The following FMO5 variants were observed in gnomAD, a reference collection of about 807,000 sequenced individuals.
FMO5 encodes flavin-containing monooxygenase 5.
In FMO5, 51 loss-of-function variants were observed where a neutral mutation model predicts 43.6. The ratio of observed to expected loss-of-function variants is 1.17; its 90% CI spans 0.93 to 1.48. The LOEUF (loss-of-function observed/expected upper bound fraction) is 1.48, where lower values mean the gene tolerates loss of function less well. FMO5 is among the 40% of genes most tolerant of loss of function. FMO5 has a pLI of 0.00. For synonymous variants in FMO5, 187 were observed against 216.5 expected, an observed-to-expected ratio of 0.86 and a Z score of 1.20; for missense variants, 644 against 643.0, an observed-to-expected ratio of 1.00 and a Z score of -0.02.
intron 7 of FMO5, among the ~76,000 whole-genome samples, chr1:147,194,708 C>G (rs868979118): frequency 9.9e-5 from 15 of 151,984 alleles, no homozygotes; most frequent in African/African-American, 2.4e-4. Flanking sequence ...GCCTGGTGGT[C>G]ACAAAATCTC....
chr1:147,191,954 A>G lies in FMO5; in HGVS notation c.1184-1705T>C, dbSNP rs587619370. Among the ~76,000 whole-genome samples the G allele has an allele frequency of 2.2e-4, 33 of 152,000 alleles. No individual in the cohort carries two copies. The East Asian group carries it at 3.5e-3, about 16-fold the overall frequency. On this transcript the variant is annotated intron_variant, in intron 7 of 8. Coordinates refer to ENST00000254090, the MANE Select transcript of FMO5 (RefSeq NM_001461.4). ...TGAAGTCAGGTAGCGTGATGCCTCC[A>G]GCTTTGTTCTTTTGGCTTAGGATTG... is the stretch of plus-strand genomic sequence containing the variant.
intron 3 of FMO5, among the ~76,000 whole-genome samples, chr1:147,214,520 T>C (rs1661648966): frequency 2.0e-5 from 3 of 151,880 alleles, no homozygotes; most frequent in African/African-American, 4.8e-5. Context: ...TCCAGCACTA[T>C]TTATAGTTCC....
intron 7 of FMO5, among the ~76,000 whole-genome samples, chr1:147,197,994 T>G (rs1658307957): frequency 6.6e-6 from 1 of 152,062 alleles, no homozygotes; most frequent in African/African-American, 2.4e-5. Flanking sequence ...TGAATTAGAG[T>G]TCTGTGGTGG....
chr1:147,204,784 T>C lies in FMO5; in HGVS notation c.831-3280A>G, dbSNP rs1040834622. 4.4e-6 allele frequency: 7 copies of C among 1,584,834 alleles called. No individual in the cohort carries two copies. The African/African-American group carries it at 9.4e-5, about 21-fold the overall frequency. ...GTTGATAACCATTTTTTTCATTCCA[T>C]TTCGTCCATATGCTGTACGAGTGGT... On this transcript the variant is annotated intron_variant, in intron 6 of 8. Coordinates refer to ENST00000254090, the MANE Select transcript of FMO5 (RefSeq NM_001461.4).
intron 2 of FMO5, chr1:147,224,341 T>C (rs1455880907): frequency 5.8e-6 from 1 of 171,158 alleles, no homozygotes; most frequent in Non-Finnish European, 1.2e-5. Flanking sequence ...AAGTTGCCAC[T>C]AAACTGGGTT....
chr1:147,212,052 C>T (rs1225219028), intron 5 of FMO5, among the ~76,000 whole-genome samples: 2 of 152,198 alleles, frequency 1.3e-5, no homozygotes, highest in Non-Finnish European at 2.9e-5. Flanking sequence ...CTCAATACTG[C>T]TTTCTAACAA....
intron 6 of FMO5, chr1:147,204,114 T>C: frequency 9.4e-7 from 1 of 1,059,580 alleles, no homozygotes; most frequent in Non-Finnish European, 1.5e-6. Flanking sequence ...TCCATGAGAT[T>C]TTCTTCTCCC....
At chr1:147,193,843 C>G (rs1210438918) in intron 7 of FMO5, among the ~76,000 whole-genome samples, 2 of 152,072 alleles carry the variant, frequency 1.3e-5, no homozygotes, top group African/African-American at 4.8e-5. Context: ...GTCCTGAGTT[C>G]TAGTTTCATT....
intron 7 of FMO5, among the ~76,000 whole-genome samples, chr1:147,191,737 A>C (rs1656873256): frequency 6.6e-6 from 1 of 151,918 alleles, no homozygotes; most frequent in East Asian, 1.9e-4. Flanking sequence ...ATGGCTAGCC[A>C]GTTTTCCCAG....
chr1:147,226,919 A>G (rs900687615), upstream of FMO5, among the ~76,000 whole-genome samples: 4 of 150,374 alleles, frequency 2.7e-5, no homozygotes, highest in African/African-American at 9.8e-5. Flanking sequence ...TGCAGCCTCT[A>G]TCTCCTGGGC....
chr1:147,205,791 T>G (rs1335701913), intron 6 of FMO5, among the ~76,000 whole-genome samples: 1 of 152,126 alleles, frequency 6.6e-6, no homozygotes, highest in Non-Finnish European at 1.5e-5. Context: ...ACTTAAATGT[T>G]AGACCTAAAA....
chr1:147,207,797 G>T (rs1038156158), intron 6 of FMO5, among the ~76,000 whole-genome samples: 1 of 151,926 alleles, frequency 6.6e-6, no homozygotes, highest in African/African-American at 2.4e-5. Flanking sequence ...CCACCCTTAG[G>T]GCAAACTCCT....
intron 6 of FMO5, chr1:147,203,430 A>G: frequency 1.2e-6 from 1 of 854,022 alleles, no homozygotes; most frequent in Non-Finnish European, 2.1e-6. Flanking sequence ...AAGTATCTAG[A>G]ACACCAGCTT....
chr1:147,208,063 A>G (rs1660402900), intron 6 of FMO5, among the ~76,000 whole-genome samples: 1 of 152,216 alleles, frequency 6.6e-6, no homozygotes, highest in South Asian at 2.1e-4. Context: ...ACCAACTTAT[A>G]GGGCTATTGT....
chr1:147,201,402 A>G lies in FMO5; in HGVS notation c.933T>C (p.Ala311=), dbSNP rs1313890894. ...KGNVKEFTET[A]AIFEDGSRED... The stretch of plus-strand genomic sequence containing the variant: ...CCCTGGAGCCATCCTCAAATATGGC[A>G]GCTGTCTCCGTGAATTCCTTCACAT... Residue 311 remains alanine (A), a synonymous_variant, in exon 7 of 9, where the codon GCT becomes GCC. Coordinates refer to ENST00000254090, the MANE Select transcript of FMO5 (RefSeq NM_001461.4). 1 of 1,614,038 alleles carries G rather than the reference A, an allele frequency of 6.2e-7. No individual in the cohort carries two copies. Among genetic ancestry groups the G allele is most frequent in the Non-Finnish European group, 8.5e-7 (1 of 1,179,974 alleles).
intron 2 of FMO5, among the ~76,000 whole-genome samples, chr1:147,218,403 T>C (rs1662392172): frequency 7.5e-6 from 1 of 132,808 alleles, no homozygotes; most frequent in South Asian, 2.6e-4. Context: ...GCCTGGCTAA[T>C]TTTTTTTGTG....
chr1:147,188,522 C>CAAAAAAA (rs10552833), intron 8 of FMO5, among the ~76,000 whole-genome samples: 11 of 61,228 alleles, frequency 1.8e-4, no homozygotes, highest in South Asian at 5.6e-4. Flanking sequence ...GACCCCATAT[C>CAAAAAAA]AAAAAAAAAA....
intron 7 of FMO5, among the ~76,000 whole-genome samples, chr1:147,193,032 T>A (rs1553918930): frequency 6.6e-6 from 1 of 152,128 alleles, no homozygotes; most frequent in African/African-American, 2.4e-5. Flanking sequence ...ATAAAATGAG[T>A]TAGGGAAGAT....
At chr1:147,206,027 G>A (rs55718497) in intron 6 of FMO5, among the ~76,000 whole-genome samples, 5,566 of 151,108 alleles carry the variant, frequency 0.037, 163 homozygotes, top group South Asian at 0.095. Context: ...TCTGACAAAG[G>A]GCTAATATCC....
Sources: gnomAD v4.1 joint callset for allele counts (sites outside exome capture counted in the v4.1 genomes callset) on GRCh38, gnomAD v4.1.1 for gene constraint, MANE v1.5 for transcripts, NCBI Gene and HGNC (gene_info 2026-07-23, HGNC 2026-07-21) for gene names.